MKI67: variants seen among roughly 807,000 people sequenced by gnomAD.
MKI67 encodes marker of proliferation Ki-67, also known as proliferation marker protein Ki-67.
In MKI67, 152 loss-of-function variants were observed where a neutral mutation model predicts 233.5. The ratio of observed to expected loss-of-function variants is 0.65; its 90% CI spans 0.57 to 0.74. MKI67 has a LOEUF of 0.74. MKI67 is among the 30% of genes least tolerant of loss of function. The pLI, the probability that MKI67 is intolerant of heterozygous loss-of-function variation, is 0.00. For missense variants in MKI67, 3,940 were observed against 3,885.2 expected, an observed-to-expected ratio of 1.01 and a Z score of -0.37; for synonymous variants, 1,465 against 1,418.5, an observed-to-expected ratio of 1.03 and a Z score of -0.74.
Position 128,104,304 on chromosome 10 carries a change from G to A in MKI67, c.7536C>T (p.His2512=), listed in dbSNP as rs1590296594. ...TRTSGETTQT[H]TEPTGDSKSI... ...TCTTACTATCTCCTGTTGGCTCTGT[G>A]TGTGTTTGCGTAGTCTCCCCTGATG... Residue 2512 remains histidine, a synonymous_variant, in exon 13 of 15, where the codon CAC becomes CAT. Transcript: ENST00000368654. 6.2e-7 allele frequency: 1 copy of A among 1,614,030 alleles called. No individual in the cohort carries two copies. Among genetic ancestry groups the A allele is most frequent in the African/African-American group, 1.3e-5 (1 of 74,920 alleles).
chr10:128,106,392 A>G lies in MKI67; in HGVS notation c.5448T>C (p.Asn1816=), dbSNP rs868175426. The G allele has an allele frequency of 1.5e-5, 24 of 1,606,394 alleles. No individual in the cohort carries two copies. In the East Asian group the frequency reaches 3.1e-4, roughly 21 times the overall value. The change falls in exon 13 of 15, where the codon AAT becomes AAC. Residue 1816 remains asparagine (N), a synonymous_variant. Coordinates refer to ENST00000368654, the MANE Select transcript of MKI67 (RefSeq NM_002417.5). ...LDQPGNLPGS[N]RRLQTRKEKA... Reference sequence around the variant, plus strand: ...TTTCCTTACGAGTTTGTAGCCGTCTATTGCTGCCAGGTAAATTTCCTGGCT... The same window carrying G: ...TTTCCTTACGAGTTTGTAGCCGTCTGTTGCTGCCAGGTAAATTTCCTGGCT...
chr10:128,124,846 AGG>A (rs2136153572), intron 2 of MKI67, among the ~76,000 whole-genome samples: 1 of 152,158 alleles, frequency 6.6e-6, no homozygotes, highest in South Asian at 2.1e-4. Context: ...AGAAGTACCA[AGG>A]TGAACAAAGG....
rs150942702 is a variant in MKI67 at position 128,108,061 on chromosome 10, T to C, written c.3779A>G (p.Asp1260Gly). Reference sequence around the variant, plus strand: ...TCGTTGCTTTGTGCTTGTTGGGGTGTCCACTGGGTCTGACTGTGGAGAGTC... The same window carrying C: ...TCGTTGCTTTGTGCTTGTTGGGGTGCCCACTGGGTCTGACTGTGGAGAGTC... ...PCDSPQSDPVDTPTSTKQRPK... is the reference protein window; with the variant it reads ...PCDSPQSDPVGTPTSTKQRPK... Residue 1260 changes from aspartate (D) to glycine (G), a missense_variant, in exon 13 of 15, where the codon GAC (aspartate) becomes GGC (glycine). Asp to Gly is a moderately conservative substitution (Grantham distance 94). Coordinates refer to ENST00000368654, the MANE Select transcript of MKI67 (RefSeq NM_002417.5). 107 of 1,613,818 alleles carry C rather than the reference T, an allele frequency of 6.6e-5. No homozygotes were observed. The highest frequency in any genetic ancestry group is 8.6e-5 in the Non-Finnish European group (102 of 1,180,018).
rs61729188 is a variant in MKI67, at chr10:128,105,963, C to T, written c.5877G>A (p.Glu1959=). The T allele has an allele frequency of 1.1e-4, 178 of 1,614,190 alleles. No homozygotes were observed. In the African/African-American group the frequency reaches 1.6e-3, roughly 14 times the overall value. ...CAGTGTGACCTGGTGTCTGGAAGAG[C>T]TCTTTGAAGCCAGCCAGATCTTCTA... ...KALEDLAGFK[E]LFQTPGHTEE... is the part of the protein sequence containing the mutation. The change falls in exon 13 of 15, where the codon GAG becomes GAA. Residue 1959 remains glutamate, a synonymous_variant. Coordinates refer to ENST00000368654, the MANE Select transcript of MKI67 (RefSeq NM_002417.5).
chr10:128,106,455 G>C lies in MKI67; in HGVS notation c.5385C>G (p.Ile1795Met), dbSNP rs758946581. The change falls in exon 13 of 15, where the codon ATC becomes ATG. Residue 1795 changes from isoleucine to methionine, a missense_variant. Ile to Met is a conservative substitution (Grantham distance 10). Coordinates refer to ENST00000368654, the MANE Select transcript of MKI67 (RefSeq NM_002417.5). ...GCACTGGAGTTCCCAAAAACGTGTT[G>C]ATGTCTTTCTCTTCACCTACTGCTG... is the stretch of plus-strand genomic sequence containing the variant. The part of the protein sequence containing the change: ...PKPAVGEEKD[I>M]NTFLGTPVQK... 1.2e-6 allele frequency: 2 copies of C among 1,613,304 alleles called. No homozygotes were observed. Among genetic ancestry groups the C allele is most frequent in the Admixed American group, 3.3e-5 (2 of 59,916 alleles).
rs140876327 is a variant in MKI67, at chr10:128,106,858, T to C, written c.4982A>G (p.His1661Arg). Reference protein sequence around the residue: ...KLTQTSGETTHTHTEPTGDGK... With the variant: ...KLTQTSGETTRTHTEPTGDGK... ...ATCTCCTGTTGGCTCTGTGTGTGTG[T>C]GTGTAGTCTCTCCTGATGTCTGTGT... Residue 1661 changes from histidine to arginine, a missense_variant, in exon 13 of 15, where the codon CAC (histidine) becomes CGC (arginine). Physicochemically the swap from His to Arg is conservative, Grantham distance 29. Transcript: ENST00000368654. 9 of 1,614,078 alleles carry C rather than the reference T, an allele frequency of 5.6e-6. No individual in the cohort carries two copies. The African/African-American group carries it at 8.0e-5, about 14-fold the overall frequency.
In MKI67 at chr10:128,115,724, G is replaced by A; in HGVS notation, c.684C>T (p.Asp228=). The change falls in exon 7 of 15, where the codon GAC becomes GAT. Residue 228 remains aspartate, a synonymous_variant. Transcript: ENST00000368654. ...LKSVPTTQCL[D]NSKKNESPFW... Reference sequence around the variant, plus strand: ...AGGGAGATTCATTTTTTTTGCTATTGTCAAGACATTGTGTAGTGGGAACAG... The same window carrying A: ...AGGGAGATTCATTTTTTTTGCTATTATCAAGACATTGTGTAGTGGGAACAG... The A allele has an allele frequency of 6.2e-7, 1 of 1,613,346 alleles. No individual in the cohort carries two copies. The highest frequency in any genetic ancestry group is 8.5e-7 in the Non-Finnish European group (1 of 1,179,880).
intron 4 of MKI67, 37 bp downstream of exon 4, chr10:128,122,844 A>G (rs746171165): frequency 7.9e-6 from 8 of 1,018,056 alleles, no homozygotes; most frequent in Non-Finnish European, 1.2e-5. Context: ...TAATCAGAAG[A>G]TGACATTTAC....
Position 128,108,140 on chromosome 10 carries a change from G to C in MKI67, c.3700C>G (p.Pro1234Ala), listed in dbSNP as rs1334045834. The C allele has an allele frequency of 6.2e-7, 1 of 1,613,316 alleles. No homozygotes were observed. The highest frequency in any genetic ancestry group is 1.7e-5 in the Admixed American group (1 of 59,916). ...GCCACTAATTCCTCGGTGTGACCAG[G>C]AGTCTGGAAGAGCTCTTTAAAGCCA... ...LAGFKELFQT[P>A]GHTEELVAAG... is the part of the protein sequence containing the mutation. The change falls in exon 13 of 15, where the codon CCT becomes GCT. Residue 1234 changes from proline (P) to alanine (A), a missense_variant. By Grantham distance (27) the Pro-to-Ala change is conservative. Coordinates refer to ENST00000368654, the MANE Select transcript of MKI67 (RefSeq NM_002417.5).
Position 128,123,158 on chromosome 10 carries a change from C to T in MKI67, c.104G>A (p.Cys35Tyr). The change falls in exon 3 of 15, where the codon TGT (cysteine) becomes TAT (tyrosine). Residue 35 changes from cysteine to tyrosine, a missense_variant. Transcript: ENST00000368654. ...STCLFGRGIECDIRIQLPVVS... is the reference protein window; with the variant it reads ...STCLFGRGIEYDIRIQLPVVS... ...AACAGGAAGCTGGATACGGATGTCA[C>T]ATTCAATACCCCTTCATGCAAAAGA... The T allele has an allele frequency of 6.2e-7, 1 of 1,613,228 alleles. No homozygotes were observed. The highest frequency in any genetic ancestry group is 1.1e-5 in the South Asian group (1 of 91,040).
chr10:128,099,319 TC>T, intron 14 of MKI67, 64 bp from the exon 15 acceptor site: 2 of 1,344,508 alleles, frequency 1.5e-6, no homozygotes, highest in African/African-American at 1.5e-5. Context: ...AGAATCGACC[TC>T]CTCTGCAAAA....
At chr10:128,099,977 C>G (rs1367283414) in intron 14 of MKI67, among the ~76,000 whole-genome samples, 1 of 152,222 alleles carries the variant, frequency 6.6e-6, no homozygotes, top group African/African-American at 2.4e-5. Context: ...TTCGCTTTCA[C>G]CCTTCTTTGG....
At chr10:128,114,826 C>A in intron 7 of MKI67, 102 bp downstream of exon 7, 1 of 1,199,476 alleles carries the variant, frequency 8.3e-7, no homozygotes, top group Non-Finnish European at 1.2e-6. Context: ...TGCTTACATT[C>A]TCTTCCACAA....
At position 128,099,091 on chromosome 10, in the gene MKI67, G is replaced by A. The variant is rs921065046; in HGVS notation, c.*99C>T. 57 of 905,800 alleles carry A rather than the reference G, an allele frequency of 6.3e-5. No homozygotes were observed. Among genetic ancestry groups the A allele is most frequent in the Non-Finnish European group, 9.5e-5 (57 of 597,936 alleles). 56.1% of individuals were successfully genotyped at this position (905,800 alleles called of 1,614,324 possible). A position where few individuals can be genotyped will look rare whatever the true frequency, so the allele number is the denominator to read the frequency against. On this transcript the variant is annotated 3_prime_UTR_variant, in exon 15 of 15. Coordinates refer to ENST00000368654, the MANE Select transcript of MKI67 (RefSeq NM_002417.5). ...TTTTCTTCCCTTAAGCAGACTGACA[G>A]CCTTACTTACAGAATTCACTTGTAA...
Position 128,097,673 on chromosome 10 carries a change from A to C in MKI67, c.*1517T>G, listed in dbSNP as rs894993910. 1 of 152,114 alleles carries C rather than the reference A, an allele frequency of 6.6e-6. No individual in the cohort carries two copies. Among genetic ancestry groups the C allele is most frequent in the African/African-American group, 2.4e-5 (1 of 41,392 alleles). The allele number at this position is 152,114 out of a possible 1,614,324, so 9.4% of individuals were successfully genotyped here. Reference sequence around the variant, plus strand: ...AGCATTTATGCCTCACACCTTCCAAAGTGCCTCTGCTAAGAGCCACTCTTC... The same window carrying C: ...AGCATTTATGCCTCACACCTTCCAACGTGCCTCTGCTAAGAGCCACTCTTC... On this transcript the variant is annotated 3_prime_UTR_variant, in exon 15 of 15. Coordinates refer to ENST00000368654, the MANE Select transcript of MKI67 (RefSeq NM_002417.5).
Position 128,106,404 on chromosome 10 carries a change from T to C in MKI67, c.5436A>G (p.Leu1812=), listed in dbSNP as rs1479044120. The C allele has an allele frequency of 1.7e-5, 27 of 1,613,756 alleles. No homozygotes were observed. Among genetic ancestry groups the C allele is most frequent in the Non-Finnish European group, 2.1e-5 (25 of 1,179,982 alleles). Residue 1812 remains leucine, a synonymous_variant, in exon 13 of 15, where the codon TTA becomes TTG. Coordinates refer to ENST00000368654, the MANE Select transcript of MKI67 (RefSeq NM_002417.5). ...TTTGTAGCCGTCTATTGCTGCCAGG[T>C]AAATTTCCTGGCTGGTCCAGTTTCT... ...PVQKLDQPGN[L]PGSNRRLQTR... is the part of the protein sequence containing the mutation.
In MKI67 at chr10:128,105,749, CTCTGTGTG is replaced by C; in HGVS notation, c.6083_6090del (p.Thr2028ArgfsTer13). 6.2e-7 allele frequency: 1 copy of C among 1,614,190 alleles called. No homozygotes were observed. The highest frequency in any genetic ancestry group is 8.5e-7 in the Non-Finnish European group (1 of 1,180,040). The stretch of plus-strand genomic sequence containing the variant: ...ATGCTCTTTCCATCTCCTGCTGTCT[CTCTGTGTG>C]TCTGTGTGGTCTTCCCTGACGTCTG... On this transcript the variant is annotated frameshift_variant, in exon 13 of 15. Transcript: ENST00000368654. LOFTEE classifies it high-confidence loss of function.
Position 128,105,317 on chromosome 10 carries a change from T to G in MKI67, c.6523A>C (p.Thr2175Pro), listed in dbSNP as rs747183163. ...KQKLDPAASV[T>P]GSKRQPRTPK... ...GTTCTTGGCTGCCTCTTGCTACCAG[T>G]TACACTTGCTGCTGGGTCCAGTTTC... is the stretch of plus-strand genomic sequence containing the variant. Residue 2175 changes from threonine (T) to proline (P), a missense_variant, in exon 13 of 15, where the codon ACT (threonine) becomes CCT (proline). Coordinates refer to ENST00000368654, the MANE Select transcript of MKI67 (RefSeq NM_002417.5). The G allele has an allele frequency of 8.7e-6, 14 of 1,614,070 alleles. No homozygotes were observed. The Admixed American group carries it at 1.2e-4, about 13-fold the overall frequency.
Position 128,108,052 on chromosome 10 carries a change from G to A in MKI67, c.3788C>T (p.Thr1263Ile). 6.2e-7 allele frequency: 1 copy of A among 1,613,968 alleles called. No homozygotes were observed. The highest frequency in any genetic ancestry group is 8.5e-7 in the Non-Finnish European group (1 of 1,180,010). ...SPQSDPVDTP[T>I]STKQRPKRSI... ...TCTCTTGGGTCGTTGCTTTGTGCTTGTTGGGGTGTCCACTGGGTCTGACTG... is the reference window on the plus strand; with the variant it reads ...TCTCTTGGGTCGTTGCTTTGTGCTTATTGGGGTGTCCACTGGGTCTGACTG... Residue 1263 changes from threonine to isoleucine, a missense_variant, in exon 13 of 15, where the codon ACA becomes ATA. Transcript: ENST00000368654.
Sources: allele counts gnomAD v4.1 joint callset (sites outside exome capture counted in the v4.1 genomes callset), GRCh38; gene constraint gnomAD v4.1.1; transcripts MANE v1.5; gene names NCBI Gene and HGNC (gene_info 2026-07-23, HGNC 2026-07-21).